The following CCDC91 variants were observed in gnomAD, a reference collection of about 807,000 sequenced individuals.
The protein encoded by CCDC91 is coiled-coil domain containing 91.
CCDC91 carries 48 observed loss-of-function variants against 63.2 expected under a neutral mutation model. The observed-to-expected ratio is 0.76, with a 90% CI of 0.60 to 0.97. CCDC91 has a LOEUF of 0.97. Among genes scored for constraint, CCDC91 ranks in the 50% least tolerant of loss-of-function variants. The pLI is 0.00. For synonymous variants in CCDC91, 167 were observed against 165.8 expected, an observed-to-expected ratio of 1.01 and a Z score of -0.06; for missense variants, 500 against 494.6, an observed-to-expected ratio of 1.01 and a Z score of -0.10.
At chr12:28,498,018 A>G (rs1444310171) in intron 12 of CCDC91, among the ~76,000 whole-genome samples, 3 of 151,582 alleles carry the variant, frequency 2.0e-5, no homozygotes, top group Non-Finnish European at 3.0e-5. Flanking sequence ...ATGGAACTAA[A>G]CAAACATGCC....
chr12:28,472,849 T>C (rs1950889846), intron 11 of CCDC91, among the ~76,000 whole-genome samples: 1 of 152,150 alleles, frequency 6.6e-6, no homozygotes, highest in African/African-American at 2.4e-5. Context: ...CATAAGTGGA[T>C]TTGGAAATAC....
At chr12:28,446,850 A>G (rs1472517236) in intron 8 of CCDC91, among the ~76,000 whole-genome samples, 3 of 152,240 alleles carry the variant, frequency 2.0e-5, no homozygotes, top group Admixed American at 1.3e-4. Flanking sequence ...AGGGAGAATG[A>G]TGAAATAAAT....
At chr12:28,463,788 A>C (rs1481079735) in intron 11 of CCDC91, among the ~76,000 whole-genome samples, 1 of 152,196 alleles carries the variant, frequency 6.6e-6, no homozygotes, top group Non-Finnish European at 1.5e-5. Context: ...ATAAATGAAC[A>C]AAAAACTTTT....
intron 5 of CCDC91, 73 bp downstream of exon 5, chr12:28,307,018 TA>T: frequency 2.0e-6 from 2 of 979,930 alleles, no homozygotes; most frequent in South Asian, 1.6e-5. Flanking sequence ...AAACTCTGAT[TA>T]AAAACTCATC....
chr12:28,228,911 T>C (rs1341138650), intron 1 of CCDC91, among the ~76,000 whole-genome samples: 1 of 152,186 alleles, frequency 6.6e-6, no homozygotes, highest in African/African-American at 2.4e-5. Context: ...ATTTTGTACA[T>C]ATATGATTAT....
At chr12:28,469,609 A>G (rs1950711300) in intron 11 of CCDC91, among the ~76,000 whole-genome samples, 1 of 152,186 alleles carries the variant, frequency 6.6e-6, no homozygotes, top group Non-Finnish European at 1.5e-5. Context: ...ATGGAATCAC[A>G]AAAGTCTCAG....
intron 3 of CCDC91, among the ~76,000 whole-genome samples, chr12:28,302,986 G>T (rs1270106046): frequency 6.6e-6 from 1 of 152,042 alleles, no homozygotes; most frequent in Admixed American, 6.6e-5. Flanking sequence ...GTTTATTGGA[G>T]AAAGAGCCTG....
At chr12:28,307,884 T>C in intron 6 of CCDC91, 135 bp downstream of exon 6, 1 of 590,568 alleles carries the variant, frequency 1.7e-6, no homozygotes, top group Non-Finnish European at 3.0e-6. Context: ...CTGACCAACA[T>C]GGGCTAAATT....
chr12:28,497,203 A>G (rs1952349931), intron 12 of CCDC91, among the ~76,000 whole-genome samples: 1 of 151,252 alleles, frequency 6.6e-6, no homozygotes, highest in African/African-American at 2.4e-5. Flanking sequence ...GTGTCCCTCT[A>G]ATCAATTAAT....
At chr12:28,333,045 A>G (rs1314012705) in intron 6 of CCDC91, among the ~76,000 whole-genome samples, 2 of 152,130 alleles carry the variant, frequency 1.3e-5, no homozygotes, top group African/African-American at 4.8e-5. Context: ...GAATCATACA[A>G]TGCTCTACCT....
intron 1 of CCDC91, among the ~76,000 whole-genome samples, chr12:28,227,055 C>T (rs1487245981): frequency 6.6e-6 from 1 of 152,010 alleles, no homozygotes; most frequent in Non-Finnish European, 1.5e-5. Context: ...AGGTGAAGTG[C>T]CATTTTTATC....
At chr12:28,528,974 C>T (rs1941513687) in intron 12 of CCDC91, among the ~76,000 whole-genome samples, 1 of 151,990 alleles carries the variant, frequency 6.6e-6, no homozygotes, top group African/African-American at 2.4e-5. Flanking sequence ...ATCATATGAT[C>T]CTATTGAAAT....
rs541890923 is a variant in CCDC91, at chr12:28,519,861, A to T, written c.1216-29202A>T. Among the ~76,000 whole-genome samples, 399 of 151,738 alleles carry T rather than the reference A, an allele frequency of 2.6e-3. 1 individual carries two copies. The highest frequency in any genetic ancestry group is 4.4e-3 in the South Asian group (21 of 4,788). On this transcript the variant is annotated intron_variant, in intron 12 of 12. Coordinates refer to ENST00000536442, the MANE Select transcript of CCDC91 (RefSeq NM_018318.5). ...TGCGATAGTTTGCTGAGAATGATGG[A>T]TACCAGCTTCATCCATGTCCCAACA...
intron 12 of CCDC91, among the ~76,000 whole-genome samples, chr12:28,510,664 C>G (rs1939277497): frequency 6.6e-6 from 1 of 151,824 alleles, no homozygotes; most frequent in Non-Finnish European, 1.5e-5. Context: ...ATATCAGTAT[C>G]TCAGTTTAGT....
chr12:28,329,342 C>A (rs1169029364), intron 6 of CCDC91, among the ~76,000 whole-genome samples: 1 of 152,076 alleles, frequency 6.6e-6, no homozygotes, highest in Non-Finnish European at 1.5e-5. Context: ...TCATTCCCAC[C>A]AAATTCTTCC....
intron 1 of CCDC91, among the ~76,000 whole-genome samples, chr12:28,232,993 T>A (rs866027749): frequency 4.8e-5 from 7 of 145,380 alleles, no homozygotes; most frequent in Admixed American, 6.9e-5. Context: ...AAAAAAAAAA[T>A]ATCATTACTG....
chr12:28,319,213 A>G (rs1237328497), intron 6 of CCDC91: 1 of 152,016 alleles, frequency 6.6e-6, no homozygotes, highest in Non-Finnish European at 1.5e-5. Context: ...CATGTATTTT[A>G]GCACATAGAA....
intron 12 of CCDC91, among the ~76,000 whole-genome samples, chr12:28,501,326 T>C (rs1330203870): frequency 1.3e-5 from 2 of 151,890 alleles, no homozygotes; most frequent in African/African-American, 4.8e-5. Context: ...CCATTCAGTA[T>C]GATATTGGCT....
intron 11 of CCDC91, among the ~76,000 whole-genome samples, chr12:28,460,232 C>A (rs1278674820): frequency 1.3e-5 from 2 of 152,088 alleles, no homozygotes; most frequent in African/African-American, 4.8e-5. Context: ...GAGCTAAGAA[C>A]TGAAGAAGTT....
Sources: allele counts gnomAD v4.1 joint callset (sites outside exome capture counted in the v4.1 genomes callset), GRCh38; gene constraint gnomAD v4.1.1; transcripts MANE v1.5; gene names NCBI Gene and HGNC (gene_info 2026-07-23, HGNC 2026-07-21).